The following EVC variants were observed in gnomAD, a reference collection of about 807,000 sequenced individuals.
EVC encodes the protein EvC ciliary complex subunit 1.
A neutral mutation model predicts 118.9 loss-of-function variants in EVC; 116 were observed. The observed-to-expected ratio is 0.98, with a 90% CI of 0.84 to 1.14. The LOEUF is 1.14. Ranked by LOEUF, EVC falls within the 50% of genes most tolerant of loss-of-function variation. The pLI is 0.00. For synonymous variants in EVC, 619 were observed against 534.7 expected (o/e 1.16, Z -2.18); for missense variants, 1,401 against 1,246.4 (o/e 1.12, Z -1.87).
At chr4:5,733,868 T>C (rs1300253668) in intron 5 of EVC, among the ~76,000 whole-genome samples, 1 of 152,152 alleles carries the variant, frequency 6.6e-6, no homozygotes, top group Non-Finnish European at 1.5e-5. Flanking sequence ...GGGGCGGGTG[T>C]CATTATCATG....
chr4:5,735,208 A>C (rs1461040071), intron 5 of EVC, among the ~76,000 whole-genome samples: 3 of 152,232 alleles, frequency 2.0e-5, no homozygotes, highest in Non-Finnish European at 4.4e-5. Flanking sequence ...GGCAGGCAGC[A>C]TGGCAAAGGC....
intron 2 of EVC, among the ~76,000 whole-genome samples, chr4:5,726,754 A>C (rs1476933559): frequency 8.2e-6 from 1 of 122,480 alleles, no homozygotes; most frequent in Admixed American, 1.1e-4. Flanking sequence ...CCAGAGTGTG[A>C]TATTCCCTTT....
At chr4:5,824,963 G>T in the EVC span, 16 of 985,404 alleles carry the variant, frequency 1.6e-5, no homozygotes, top group Non-Finnish European at 1.8e-5. Context: ...CCAAGTCCTG[G>T]TATTTTGACA....
intron 3 of EVC, among the ~76,000 whole-genome samples, chr4:5,729,995 A>G (rs1446742401): frequency 6.6e-6 from 1 of 152,158 alleles, no homozygotes; most frequent in African/African-American, 2.4e-5. Context: ...GCTTTGTGCA[A>G]AAAAGTTTCC....
chr4:5,748,566 A>G (rs1315733579), intron 8 of EVC, among the ~76,000 whole-genome samples: 37 of 69,262 alleles, frequency 5.3e-4, no homozygotes, highest in African/African-American at 3.4e-3. Context: ...CCACCCATTT[A>G]TCCATCCATC....
Position 5,762,050 on chromosome 4 carries a change from C to CT in EVC, c.1563+5688_1563+5689insT, listed in dbSNP as rs1166310002. On this transcript the variant is annotated intron_variant, in intron 11 of 20. Coordinates refer to ENST00000264956, the MANE Select transcript of EVC (RefSeq NM_153717.3). ...TATATCTCCCAGTGCTATCCCTCCCCCCACCCCCACCCCACATCAGTCCCC... is the reference window on the plus strand; with the variant it reads ...TATATCTCCCAGTGCTATCCCTCCCCTCCACCCCCACCCCACATCAGTCCCC... 1.3e-4 allele frequency among the ~76,000 whole-genome samples: 11 copies of CT among 82,132 alleles called. 1 individual carries two copies. The highest frequency in any genetic ancestry group is 5.0e-4 in the African/African-American group (11 of 22,160). The allele number at this position is 82,132 out of a possible 152,430, so 53.9% of individuals were successfully genotyped here.
At position 5,798,519 on chromosome 4, in the gene EVC, C is replaced by T; in HGVS notation, c.2098-67C>T. 13 of 1,489,560 alleles carry T rather than the reference C, an allele frequency of 8.7e-6. No homozygotes were observed. The highest frequency in any genetic ancestry group is 1.2e-5 in the Non-Finnish European group (13 of 1,092,720). 92.3% of individuals were successfully genotyped at this position (1,489,560 alleles called of 1,614,324 possible). On this transcript the variant is annotated intron_variant, in intron 14 of 20. Coordinates refer to ENST00000264956, the MANE Select transcript of EVC (RefSeq NM_153717.3). The surrounding 1 kb of genome is among the most constrained non-coding windows in gnomAD (Gnocchi z 4.1). ...CCTGGATAGGACCAGCCCCACATCC[C>T]AGTCCTGGCCAGAGCTTCTCTGTGA...
rs993809923 is a variant in EVC, at chr4:5,755,208, G to T, written c.1465-1056G>T. 6.6e-6 allele frequency among the ~76,000 whole-genome samples: 1 copy of T among 152,134 alleles called. No individual in the cohort carries two copies. The highest frequency in any genetic ancestry group is 1.5e-5 in the Non-Finnish European group (1 of 68,036). Reference sequence around the variant, plus strand: ...AGGCTATTCAGCTCCTCGTTATTTGGATATTTCTGGGCCCCTGTCCTTGAT... The same window carrying T: ...AGGCTATTCAGCTCCTCGTTATTTGTATATTTCTGGGCCCCTGTCCTTGAT... On this transcript the variant is annotated intron_variant, in intron 10 of 20. Coordinates refer to ENST00000264956, the MANE Select transcript of EVC (RefSeq NM_153717.3). This position sits in a 1 kb window ranked among gnomAD's most constrained non-coding sequence, Gnocchi z 4.1.
chr4:5,797,736 G>A (rs12509377), intron 14 of EVC, among the ~76,000 whole-genome samples: 104,258 of 152,092 alleles, frequency 0.69, 36,132 homozygotes, highest in South Asian at 0.81. Context: ...AGTGGAGACA[G>A]TGGAGCCCCC....
At chr4:5,730,565 G>A (rs1034166253) in intron 3 of EVC, among the ~76,000 whole-genome samples, 2 of 152,054 alleles carry the variant, frequency 1.3e-5, no homozygotes, top group Admixed American at 1.3e-4. Flanking sequence ...TCAGCAGAGC[G>A]TCAGCCCCAC....
the EVC span, chr4:5,828,318 G>A: frequency 1.0e-6 from 1 of 984,942 alleles, no homozygotes; most frequent in Non-Finnish European, 1.2e-6. Context: ...GCTCACTCCT[G>A]TCCTCAGACA....
chr4:5,817,273 G>A (rs1169667810), downstream of EVC, among the ~76,000 whole-genome samples: 2 of 152,214 alleles, frequency 1.3e-5, no homozygotes. Context: ...CGGGGCTCTT[G>A]TCCATTGCAA....
chr4:5,815,583 TCTC>T (rs902591305), downstream of EVC, among the ~76,000 whole-genome samples: 5 of 152,108 alleles, frequency 3.3e-5, no homozygotes, highest in African/African-American at 1.2e-4. Context: ...ATCAGGTATT[TCTC>T]CTCCTCCCCA....
At chr4:5,781,584 C>T (rs1735603222) in intron 11 of EVC, among the ~76,000 whole-genome samples, 1 of 152,080 alleles carries the variant, frequency 6.6e-6, no homozygotes, top group Admixed American at 6.5e-5. Flanking sequence ...CACCTGTAAT[C>T]CCAGCACTTT....
At chr4:5,785,872 C>G (rs1042003214) in intron 12 of EVC, among the ~76,000 whole-genome samples, 1 of 152,176 alleles carries the variant, frequency 6.6e-6, no homozygotes, top group Non-Finnish European at 1.5e-5. Flanking sequence ...AATCCTAGGC[C>G]GCAGACCAAT....
intron 5 of EVC, among the ~76,000 whole-genome samples, chr4:5,740,226 T>G (rs1293775071): frequency 6.6e-6 from 1 of 152,048 alleles, no homozygotes; most frequent in African/African-American, 2.4e-5. Flanking sequence ...ATCCCAGCAC[T>G]TTGGGAGGCT....
intron 11 of EVC, among the ~76,000 whole-genome samples, chr4:5,774,004 A>G (rs1413855088): frequency 6.6e-6 from 1 of 151,990 alleles, no homozygotes; most frequent in Non-Finnish European, 1.5e-5. Context: ...CTGAACCTTC[A>G]TTGGTGCATC....
chr4:5,711,782 G>A (rs1723073057), intron 1 of EVC, among the ~76,000 whole-genome samples: 2 of 152,206 alleles, frequency 1.3e-5, no homozygotes, highest in African/African-American at 2.4e-5. Context: ...CCACTCCGTT[G>A]GGTGATCCTT....
chr4:5,719,338 G>A lies in EVC; in HGVS notation c.265G>A (p.Glu89Lys). ...TGSPSRRRKR[E>K]VQMSKDKEAV... ...CTCCCCATCAAGGAGGAGGAAGAGA[G>A]AAGTGCAGATGTCGAAGGACAAGGA... is the stretch of plus-strand genomic sequence containing the variant. Residue 89 changes from glutamate (E) to lysine (K), a missense_variant, in exon 2 of 21, where the codon GAA (glutamate) becomes AAA (lysine). By Grantham distance (56) the Glu-to-Lys change is moderately conservative. Transcript: ENST00000264956. This position sits in a 1 kb window ranked among gnomAD's most constrained non-coding sequence, Gnocchi z 4.7. The A allele has an allele frequency of 1.9e-6, 3 of 1,614,200 alleles. No homozygotes were observed. The highest frequency in any genetic ancestry group is 1.7e-6 in the Non-Finnish European group (2 of 1,180,038).
Sources: gnomAD v4.1 joint callset for allele counts (sites outside exome capture counted in the v4.1 genomes callset) on GRCh38, gnomAD v4.1.1 for gene constraint, Gnocchi (gnomAD v3.1) non-coding constraint, MANE v1.5 for transcripts, NCBI Gene and HGNC (gene_info 2026-07-23, HGNC 2026-07-21) for gene names.